Variants in MTUS2 observed in about 807,000 individuals in gnomAD.
The protein encoded by MTUS2 is microtubule associated scaffold protein 2.
In MTUS2, 40 loss-of-function variants were observed where a neutral mutation model predicts 114.1. That is an observed-to-expected ratio of 0.35 (90% CI 0.27 to 0.46). The LOEUF is 0.46. Among genes scored for constraint, MTUS2 ranks in the 20% least tolerant of loss-of-function variants. The pLI is 1.00. For missense variants in MTUS2, 1,679 were observed against 1,705.4 expected, an observed-to-expected ratio of 0.98 and a Z score of 0.27; for synonymous variants, 688 against 672.0, an observed-to-expected ratio of 1.02 and a Z score of -0.37.
At chr13:28,956,061 C>G (rs911188220) in intron 2 of MTUS2, among the ~76,000 whole-genome samples, 11 of 148,162 alleles carry the variant, frequency 7.4e-5, no homozygotes, top group Non-Finnish European at 8.9e-5. Context: ...CTTGCCCCCC[C>G]CCATCCTTTC....
intron 2 of MTUS2, among the ~76,000 whole-genome samples, chr13:28,918,964 TTA>T (rs534686435): frequency 6.0e-5 from 9 of 148,826 alleles, no homozygotes; most frequent in South Asian, 2.1e-4. Context: ...ATAAAAAACT[TTA>T]TGTTTTAACT....
At position 29,024,955 on chromosome 13, in the gene MTUS2, A is replaced by G. The variant is rs758184638; in HGVS notation, c.257A>G (p.Lys86Arg). Residue 86 changes from lysine to arginine, a missense_variant, in exon 3 of 16, where the codon AAA becomes AGA. By Grantham distance (26) the Lys-to-Arg change is conservative. Transcript: ENST00000612955. ...TTTCACCAACTTCAGGGCTTTGGGAAAGGCTCTCAGGCTGGCTCTGCCAGC... is the reference window on the plus strand; with the variant it reads ...TTTCACCAACTTCAGGGCTTTGGGAGAGGCTCTCAGGCTGGCTCTGCCAGC... ...KEFHQLQGFG[K>R]GSQAGSASLK... 116 of 1,613,666 alleles carry G rather than the reference A, an allele frequency of 7.2e-5. No individual in the cohort carries two copies. Among genetic ancestry groups the G allele is most frequent in the Non-Finnish European group, 9.0e-5 (106 of 1,179,810 alleles).
intron 5 of MTUS2, among the ~76,000 whole-genome samples, chr13:29,158,870 C>T (rs916195702): frequency 6.6e-6 from 1 of 152,122 alleles, no homozygotes; most frequent in Non-Finnish European, 1.5e-5. Context: ...GTCTGGTCTT[C>T]GGAATGTCCA....
rs545676348 is a variant in MTUS2, at chr13:29,481,697, C to T, written c.3399+1333C>T. Among the ~76,000 whole-genome samples the T allele has an allele frequency of 1.8e-3, 266 of 148,378 alleles. 1 individual carries two copies. The highest frequency in any genetic ancestry group is 6.3e-3 in the African/African-American group (259 of 40,822). ...ATCTTAGGGGACCTGGGAGAAATTTCAGAGTAATACTAATTACTGTCATGG... is the reference window on the plus strand; with the variant it reads ...ATCTTAGGGGACCTGGGAGAAATTTTAGAGTAATACTAATTACTGTCATGG... On this transcript the variant is annotated intron_variant, in intron 10 of 15. Transcript: ENST00000612955.
chr13:28,838,215 G>C (rs1310283920), intron 1 of MTUS2, among the ~76,000 whole-genome samples: 1 of 152,204 alleles, frequency 6.6e-6, no homozygotes, highest in Non-Finnish European at 1.5e-5. Context: ...CTCCTAGTGG[G>C]AGGGAAAATT....
chr13:29,168,960 C>G (rs889653740), intron 5 of MTUS2, among the ~76,000 whole-genome samples: 2 of 145,482 alleles, frequency 1.4e-5, no homozygotes, highest in African/African-American at 5.1e-5. Context: ...AGGTCATGTA[C>G]AGGTCAACTC....
At chr13:29,020,828 A>G (rs1373518695) in intron 2 of MTUS2, among the ~76,000 whole-genome samples, 1 of 140,140 alleles carries the variant, frequency 7.1e-6, no homozygotes, top group African/African-American at 2.8e-5. Context: ...CTGTGCTTTC[A>G]TTTCCTTACC....
At chr13:29,448,197 A>G (rs560616753) in intron 9 of MTUS2, among the ~76,000 whole-genome samples, 1 of 152,306 alleles carries the variant, frequency 6.6e-6, no homozygotes, top group Admixed American at 6.5e-5. Context: ...GACAGAAAAC[A>G]TGCAATGCAG....
intron 2 of MTUS2, among the ~76,000 whole-genome samples, chr13:28,982,186 A>G (rs1884389163): frequency 6.6e-6 from 1 of 152,134 alleles, no homozygotes; most frequent in African/African-American, 2.4e-5. Context: ...GACAGATGGA[A>G]AAAGGCACAT....
intron 8 of MTUS2, among the ~76,000 whole-genome samples, chr13:29,364,838 G>A (rs1870568099): frequency 6.6e-6 from 1 of 152,110 alleles, no homozygotes. Flanking sequence ...TCCAAAACAT[G>A]GTCATTTAAA....
chr13:29,024,679 G>GC lies in MTUS2; in HGVS notation c.-16dup. The stretch of plus-strand genomic sequence containing the variant: ...ATTAAGTAGGACTGCATGGCAAGCA[G>GC]CCCCACCAAAGGGTTGACAATGAGC... On this transcript the variant is annotated 5_prime_UTR_variant, in exon 3 of 16. Transcript: ENST00000612955. 1.2e-6 allele frequency: 2 copies of GC among 1,610,394 alleles called. No homozygotes were observed. The highest frequency in any genetic ancestry group is 1.7e-6 in the Non-Finnish European group (2 of 1,178,228).
chr13:29,484,154 T>C (rs1178594406), intron 10 of MTUS2: 4 of 152,110 alleles, frequency 2.6e-5, no homozygotes, highest in African/African-American at 9.7e-5. Context: ...GCCTTTGGAG[T>C]TTAAATTTGC....
intron 2 of MTUS2, among the ~76,000 whole-genome samples, chr13:29,020,849 A>G (rs377477744): frequency 6.2e-4 from 21 of 34,102 alleles, no homozygotes; most frequent in Middle Eastern, 0.013. Flanking sequence ...AGGACGTGGG[A>G]AAAAAAAAAA....
intron 5 of MTUS2, 94 bp from the exon 6 acceptor site, chr13:29,281,610 A>C: frequency 3.0e-6 from 4 of 1,343,224 alleles, no homozygotes. Context: ...TCTAAAGCAG[A>C]TGACGGCAGT....
At chr13:28,850,849 A>G (rs1214423546) in intron 2 of MTUS2, among the ~76,000 whole-genome samples, 1 of 152,180 alleles carries the variant, frequency 6.6e-6, no homozygotes, top group Non-Finnish European at 1.5e-5. Flanking sequence ...TTTTCTATTC[A>G]TATGAGATCA....
At chr13:28,867,655 G>A (rs1001448230) in intron 2 of MTUS2, among the ~76,000 whole-genome samples, 2 of 152,118 alleles carry the variant, frequency 1.3e-5, no homozygotes, top group African/African-American at 4.8e-5. Context: ...ATAATAATAA[G>A]AATATTGGAA....
intron 5 of MTUS2, among the ~76,000 whole-genome samples, chr13:29,246,591 A>G (rs181107937): frequency 9.8e-5 from 15 of 152,348 alleles, no homozygotes; most frequent in Admixed American, 2.0e-4. Context: ...GCACCTTGCT[A>G]TGGCTTCTTT....
At chr13:28,919,352 G>A (rs555670342) in intron 2 of MTUS2, among the ~76,000 whole-genome samples, 1 of 152,038 alleles carries the variant, frequency 6.6e-6, no homozygotes, top group African/African-American at 2.4e-5. Flanking sequence ...ACTATTGTAG[G>A]GTAAAAGTTT....
intron 5 of MTUS2, among the ~76,000 whole-genome samples, chr13:29,228,117 A>G (rs1335737603): frequency 6.6e-6 from 1 of 152,248 alleles, no homozygotes; most frequent in Non-Finnish European, 1.5e-5. Flanking sequence ...AGATATATGC[A>G]TAATGATATT....
Sources: gnomAD v4.1 joint callset for allele counts (sites outside exome capture counted in the v4.1 genomes callset) on GRCh38, gnomAD v4.1.1 for gene constraint, MANE v1.5 for transcripts, NCBI Gene and HGNC (gene_info 2026-07-23, HGNC 2026-07-21) for gene names.